Variants in SPMIP11 observed in about 807,000 individuals in gnomAD.
SPMIP11 encodes the protein long intergenic non-protein coding RNA 935.
chr12:48,761,979 T>C, the SPMIP11 span, among the ~76,000 whole-genome samples: 4 of 148,554 alleles, frequency 2.7e-5, no homozygotes, highest in East Asian at 6.0e-4. Context: ...GAATTACAGG[T>C]GTGAGCCACC....
chr12:48,735,135 C>A, the SPMIP11 span, among the ~76,000 whole-genome samples: 1 of 152,008 alleles, frequency 6.6e-6, no homozygotes, highest in African/African-American at 2.4e-5. Flanking sequence ...GTCCTATAAC[C>A]ACCAGGAGCT....
At chr12:48,759,818 T>A in the SPMIP11 span, among the ~76,000 whole-genome samples, 2 of 151,896 alleles carry the variant, frequency 1.3e-5, no homozygotes, top group Non-Finnish European at 2.9e-5. Context: ...AAAAAAAAAT[T>A]TTTTTTTGAG....
the SPMIP11 span, among the ~76,000 whole-genome samples, chr12:48,752,697 G>A: frequency 8.0e-6 from 1 of 125,660 alleles, no homozygotes; most frequent in South Asian, 2.6e-4. Context: ...TTTTGACAGA[G>A]TTTTGCTCTT....
chr12:48,728,624 T>A, the SPMIP11 span, among the ~76,000 whole-genome samples: 1 of 142,426 alleles, frequency 7.0e-6, no homozygotes, highest in South Asian at 2.2e-4. Context: ...AGGAGAATGG[T>A]GTGAACCCGG....
the SPMIP11 span, chr12:48,767,589 T>G: frequency 6.6e-6 from 1 of 152,630 alleles, no homozygotes; most frequent in Non-Finnish European, 1.5e-5. Context: ...ACCAGAGACT[T>G]GGGAGGGCAG....
chr12:48,764,215 C>A, the SPMIP11 span, among the ~76,000 whole-genome samples: 1 of 151,946 alleles, frequency 6.6e-6, no homozygotes, highest in East Asian at 1.9e-4. Context: ...TCTCGAACTC[C>A]CGACCTCAGG....
the SPMIP11 span, among the ~76,000 whole-genome samples, chr12:48,752,134 G>C: frequency 6.6e-6 from 1 of 151,116 alleles, no homozygotes; most frequent in Non-Finnish European, 1.5e-5. Context: ...TGTATGTAAC[G>C]TACCTAAGAC....
At chr12:48,733,290 GT>G in the SPMIP11 span, among the ~76,000 whole-genome samples, 1 of 151,886 alleles carries the variant, frequency 6.6e-6, no homozygotes, top group Admixed American at 6.6e-5. Context: ...GGCCAGGCTG[GT>G]CTCAAACTCC....
chr12:48,749,973 G>A, the SPMIP11 span, among the ~76,000 whole-genome samples: 5 of 151,718 alleles, frequency 3.3e-5, no homozygotes, highest in African/African-American at 4.8e-5. Context: ...TTACAGGCGT[G>A]AGCCACCACG....
At chr12:48,741,712 C>T in the SPMIP11 span, among the ~76,000 whole-genome samples, 2 of 150,964 alleles carry the variant, frequency 1.3e-5, no homozygotes, top group Non-Finnish European at 2.9e-5. Context: ...GGCACAATCA[C>T]AGCTTACTGC....
At chr12:48,727,967 C>T in the SPMIP11 span, among the ~76,000 whole-genome samples, 1 of 151,608 alleles carries the variant, frequency 6.6e-6, no homozygotes, top group African/African-American at 2.4e-5. Flanking sequence ...GGGAGAATCA[C>T]TTGAGCCCAG....
chr12:48,747,431 A>G, the SPMIP11 span, among the ~76,000 whole-genome samples: 1 of 152,336 alleles, frequency 6.6e-6, no homozygotes, highest in East Asian at 1.9e-4. Flanking sequence ...ATTCAAAGCC[A>G]AAACTGTAGC....
chr12:48,753,443 G>T, the SPMIP11 span, among the ~76,000 whole-genome samples: 1 of 152,092 alleles, frequency 6.6e-6, no homozygotes, highest in East Asian at 1.9e-4. Context: ...TTAAAGAAAG[G>T]CTCAACCTTG....
At chr12:48,753,392 T>A in the SPMIP11 span, among the ~76,000 whole-genome samples, 1 of 152,194 alleles carries the variant, frequency 6.6e-6, no homozygotes, top group Non-Finnish European at 1.5e-5. Flanking sequence ...CACTAATGAG[T>A]CCTCAGAGTT....
At chr12:48,763,809 G>A in the SPMIP11 span, among the ~76,000 whole-genome samples, 2 of 151,502 alleles carry the variant, frequency 1.3e-5, no homozygotes, top group East Asian at 3.9e-4. Context: ...CTACTGAGTA[G>A]CTGCGATTAC....
the SPMIP11 span, among the ~76,000 whole-genome samples, chr12:48,736,766 C>A: frequency 6.6e-6 from 1 of 151,556 alleles, no homozygotes; most frequent in Non-Finnish European, 1.5e-5. Flanking sequence ...TATAAGAATG[C>A]ATAGGAGGTA....
chr12:48,729,133 G>A, the SPMIP11 span, among the ~76,000 whole-genome samples: 4 of 152,226 alleles, frequency 2.6e-5, no homozygotes, highest in Non-Finnish European at 4.4e-5. Flanking sequence ...CGGGCACTGC[G>A]GCTCACGCCT....
the SPMIP11 span, chr12:48,736,172 G>A: frequency 2.4e-6 from 1 of 418,336 alleles, no homozygotes; most frequent in African/African-American, 2.1e-5. Flanking sequence ...GGAAGCCCGA[G>A]GTGAGTGGAT....
chr12:48,765,575 GCTGAATCTCTCT>G, the SPMIP11 span: 1 of 702,752 alleles, frequency 1.4e-6, no homozygotes, highest in Middle Eastern at 2.3e-4. Context: ...GCCTGGCCTG[GCTGAATCTCTCT>G]CTGAATCTCT....
Sources: gnomAD v4.1 joint callset for allele counts (sites outside exome capture counted in the v4.1 genomes callset) on GRCh38, gnomAD v4.1.1 for gene constraint, MANE v1.5 for transcripts, NCBI Gene and HGNC (gene_info 2026-07-23, HGNC 2026-07-21) for gene names.